Variants in PCLAF observed in about 807,000 individuals in gnomAD.
PCLAF encodes the protein PCNA clamp associated factor, also known as PCNA-associated factor.
A neutral mutation model predicts 15.1 loss-of-function variants in PCLAF; 12 were observed. That is an observed-to-expected ratio of 0.79 (90% CI 0.51 to 1.29). The LOEUF (loss-of-function observed/expected upper bound fraction) is 1.29. PCLAF is among the 50% of genes most tolerant of loss of function. PCLAF has a pLI of 0.00. For missense variants in PCLAF, 116 were observed against 130.9 expected (o/e 0.89, Z 0.56); for synonymous variants, 33 against 47.1 (o/e 0.70, Z 1.22).
In PCLAF at chr15:64,365,910, A is replaced by T; in HGVS notation, c.*120T>A. 1 of 819,112 alleles carries T rather than the reference A, an allele frequency of 1.2e-6. No individual in the cohort carries two copies. Among genetic ancestry groups the T allele is most frequent in the Non-Finnish European group, 2.0e-6 (1 of 510,992 alleles). The allele number at this position is 819,112 out of a possible 1,614,324, so 50.7% of individuals were successfully genotyped here. ...TTTTGAACATCTAAATTTAAACCTAAATTTTTTAATTAAATGCCTGTTCAA... is the reference window on the plus strand; with the variant it reads ...TTTTGAACATCTAAATTTAAACCTATATTTTTTAATTAAATGCCTGTTCAA... On this transcript the variant is annotated 3_prime_UTR_variant, in exon 4 of 4. Coordinates refer to ENST00000300035, the MANE Select transcript of PCLAF (RefSeq NM_014736.6).
At chr15:64,376,608 A>G in intron 3 of PCLAF, 135 bp downstream of exon 3, 1 of 617,138 alleles carries the variant, frequency 1.6e-6, no homozygotes, top group South Asian at 2.2e-5. Flanking sequence ...TAGTAGAGAC[A>G]GGGTTCCACC....
chr15:64,365,196 G>GT lies in PCLAF; in HGVS notation c.*833dup, dbSNP rs1898981324. On this transcript the variant is annotated 3_prime_UTR_variant, in exon 4 of 4. Coordinates refer to ENST00000300035, the MANE Select transcript of PCLAF (RefSeq NM_014736.6). ...TTTTTGTATTTTTAGTAGAGACGGG[G>GT]TTTCACCTTGTTAGGCAGGATGGTC... 6.6e-6 allele frequency: 1 copy of GT among 151,160 alleles called. No homozygotes were observed. Among genetic ancestry groups the GT allele is most frequent in the South Asian group, 2.1e-4 (1 of 4,788 alleles). 9.4% of individuals were successfully genotyped at this position (151,160 alleles called of 1,614,324 possible).
intron 1 of PCLAF, 136 bp downstream of exon 1, chr15:64,381,190 G>A (rs1899805144): frequency 8.2e-7 from 1 of 1,217,634 alleles, no homozygotes; most frequent in Non-Finnish European, 1.2e-6. Flanking sequence ...CTAGGTAAAG[G>A]GGCCAGGCGG....
chr15:64,383,514 G>A (rs917308301), upstream of PCLAF, among the ~76,000 whole-genome samples: 3 of 151,820 alleles, frequency 2.0e-5, no homozygotes, highest in African/African-American at 2.4e-5. Context: ...TTACAGACAC[G>A]TGCCAAAACA....
chr15:64,379,384 A>T (rs1196883286), intron 2 of PCLAF, among the ~76,000 whole-genome samples: 1 of 151,930 alleles, frequency 6.6e-6, no homozygotes, highest in African/African-American at 2.4e-5. Context: ...GAAGAGCCTG[A>T]AGTGGGAGGA....
intron 2 of PCLAF, among the ~76,000 whole-genome samples, chr15:64,379,117 G>A (rs548042627): frequency 6.6e-6 from 1 of 152,106 alleles, no homozygotes; most frequent in South Asian, 2.1e-4. Flanking sequence ...CATATATTCA[G>A]TAAGGGCCTA....
intron 3 of PCLAF, among the ~76,000 whole-genome samples, chr15:64,368,754 C>A (rs1899155299): frequency 6.6e-6 from 1 of 151,966 alleles, no homozygotes. Context: ...TTTTATAATA[C>A]CATGGATTAA....
At chr15:64,386,673 C>T (rs184531396) in intron 1 of PCLAF, among the ~76,000 whole-genome samples, 83 of 151,908 alleles carry the variant, frequency 5.5e-4, no homozygotes, top group African/African-American at 1.5e-3. Flanking sequence ...CGTGTGCGCT[C>T]GGGTGATCCT....
intron 1 of PCLAF, 80 bp from the exon 2 acceptor site, chr15:64,381,118 G>C: frequency 7.1e-7 from 1 of 1,403,116 alleles, no homozygotes; most frequent in Non-Finnish European, 1.0e-6. Flanking sequence ...GCAGCTTGGA[G>C]AGGAGAGCCT....
upstream of PCLAF, among the ~76,000 whole-genome samples, chr15:64,385,080 G>A (rs1899907864): frequency 6.6e-6 from 1 of 151,906 alleles, no homozygotes; most frequent in African/African-American, 2.4e-5. Context: ...TGTAGAGACA[G>A]GGTCTCCTGA....
exon 1 of PCLAF, chr15:64,387,611 G>C: frequency 7.2e-7 from 1 of 1,382,102 alleles, no homozygotes; most frequent in East Asian, 3.0e-5. Flanking sequence ...GGCCTTCCTC[G>C]AGTCCTACGT....
At chr15:64,384,674 G>A (rs2140536911), upstream of PCLAF, among the ~76,000 whole-genome samples, 1 of 150,926 alleles carries the variant, frequency 6.6e-6, no homozygotes, top group Admixed American at 6.6e-5. Flanking sequence ...CCTGGGAGGT[G>A]GAGGTTGCAG....
At chr15:64,376,181 C>T (rs35497569) in intron 3 of PCLAF, among the ~76,000 whole-genome samples, 1 of 151,700 alleles carries the variant, frequency 6.6e-6, no homozygotes, top group Non-Finnish European at 1.5e-5. Flanking sequence ...GCTGAGATAG[C>T]GCCACTGCCC....
At chr15:64,375,281 C>T (rs7342627) in intron 3 of PCLAF, among the ~76,000 whole-genome samples, 6,595 of 152,126 alleles carry the variant, frequency 0.043, 159 homozygotes, top group South Asian at 0.08. Context: ...CGTGCCACCA[C>T]GCCCGGCTAA....
At chr15:64,381,876 G>T (rs375486090), upstream of PCLAF, among the ~76,000 whole-genome samples, 1 of 152,116 alleles carries the variant, frequency 6.6e-6, no homozygotes, top group Admixed American at 6.5e-5. Flanking sequence ...CTTTCCTTTA[G>T]TCCCCCAGGC....
At chr15:64,377,482 AAAAAAAATATAT>A (rs1899640683) in intron 2 of PCLAF, among the ~76,000 whole-genome samples, 1 of 40,874 alleles carries the variant, frequency 2.4e-5, no homozygotes, top group Middle Eastern at 9.1e-3. Context: ...AAAAAAAAAA[AAAAAAAATATAT>A]ATATATATAT....
chr15:64,379,413 C>A (rs1341714203), intron 2 of PCLAF, among the ~76,000 whole-genome samples: 2 of 150,624 alleles, frequency 1.3e-5, no homozygotes, highest in African/African-American at 2.4e-5. Flanking sequence ...ACCCTGGGGT[C>A]AAATCTGCAG....
upstream of PCLAF, among the ~76,000 whole-genome samples, chr15:64,385,184 C>T (rs186458347): frequency 2.0e-5 from 3 of 152,192 alleles, no homozygotes; most frequent in Admixed American, 2.0e-4. Context: ...GCTACGGTAC[C>T]CAGCCACCTA....
At chr15:64,371,268 T>A (rs1899302683) in intron 3 of PCLAF, among the ~76,000 whole-genome samples, 1 of 147,744 alleles carries the variant, frequency 6.8e-6, no homozygotes, top group Admixed American at 6.8e-5. Flanking sequence ...GCACTTGGCT[T>A]TTTTTTTTTT....
Sources: allele counts gnomAD v4.1 joint callset (sites outside exome capture counted in the v4.1 genomes callset), GRCh38; gene constraint gnomAD v4.1.1; transcripts MANE v1.5; gene names NCBI Gene and HGNC (gene_info 2026-07-23, HGNC 2026-07-21).